Variants in CEP63 observed in about 807,000 individuals in gnomAD.
The protein encoded by CEP63 is centrosomal protein 63.
CEP63 carries 84 observed loss-of-function variants against 89.1 expected under a neutral mutation model. That is an observed-to-expected ratio of 0.94 (90% CI 0.79 to 1.13). The LOEUF (loss-of-function observed/expected upper bound fraction) is 1.13. Among genes scored for constraint, CEP63 ranks in the 50% most tolerant of loss-of-function variants. The pLI, the probability that CEP63 is intolerant of heterozygous loss-of-function variation, is 0.00. For missense variants in CEP63, 838 were observed against 813.3 expected (o/e 1.03, Z -0.37); for synonymous variants, 267 against 272.5 (o/e 0.98, Z 0.20).
chr3:134,756,272 T>C, the CEP63 span, among the ~76,000 whole-genome samples: 1 of 152,042 alleles, frequency 6.6e-6, no homozygotes, highest in Admixed American at 6.5e-5. Flanking sequence ...GGACTCCCCA[T>C]AGAGAGCTGG....
At chr3:134,707,412 A>C in the CEP63 span, among the ~76,000 whole-genome samples, 1 of 152,228 alleles carries the variant, frequency 6.6e-6, no homozygotes. Context: ...CCAGAGGGCT[A>C]CACAATCCTA....
the CEP63 span, among the ~76,000 whole-genome samples, chr3:134,768,840 G>A: frequency 1.3e-5 from 2 of 152,152 alleles, no homozygotes; most frequent in Non-Finnish European, 2.9e-5. Context: ...AGACTTGGCC[G>A]GGTGGGCCCA....
At chr3:134,606,226 T>C in the CEP63 span, among the ~76,000 whole-genome samples, 1 of 152,114 alleles carries the variant, frequency 6.6e-6, no homozygotes, top group Non-Finnish European at 1.5e-5. Flanking sequence ...TCACCTTTGA[T>C]TGTGGAGCAC....
the CEP63 span, among the ~76,000 whole-genome samples, chr3:134,777,531 T>G: frequency 6.6e-6 from 1 of 151,758 alleles, no homozygotes; most frequent in Admixed American, 6.6e-5. Context: ...ATTTGCTCAA[T>G]AACAATACAT....
At chr3:134,777,558 G>A in the CEP63 span, among the ~76,000 whole-genome samples, 4 of 149,812 alleles carry the variant, frequency 2.7e-5, no homozygotes, top group South Asian at 8.4e-4. Context: ...GGTGAGTATT[G>A]TGGTTTCTAA....
At chr3:134,619,306 G>A in the CEP63 span, 8 of 1,512,248 alleles carry the variant, frequency 5.3e-6, no homozygotes, top group Middle Eastern at 1.7e-4. Flanking sequence ...CTTGAGCCTG[G>A]GAGGCGAGAA....
At chr3:134,714,644 C>T in the CEP63 span, among the ~76,000 whole-genome samples, 94,916 of 152,188 alleles carry the variant, frequency 0.62, 30,159 homozygotes, top group East Asian at 0.78. Flanking sequence ...ATTATCCACT[C>T]CATCATGTGC....
the CEP63 span, among the ~76,000 whole-genome samples, chr3:134,718,555 TAGACAGAAAACATCCACATTC>T: frequency 6.6e-6 from 1 of 152,244 alleles, no homozygotes; most frequent in Non-Finnish European, 1.5e-5. Context: ...CCCTGTGGGT[TAGACAGAAAACATCCACATTC>T]TCTTTTAAAG....
At chr3:134,527,947 G>C (rs1047082568) in intron 3 of CEP63, among the ~76,000 whole-genome samples, 1 of 152,154 alleles carries the variant, frequency 6.6e-6, no homozygotes, top group Admixed American at 6.5e-5. Context: ...GCTATCCCTG[G>C]CCATGCCCCA....
the CEP63 span, among the ~76,000 whole-genome samples, chr3:134,697,303 T>C: frequency 6.6e-6 from 1 of 152,140 alleles, no homozygotes; most frequent in African/African-American, 2.4e-5. Flanking sequence ...AGAGATAAGC[T>C]TAGTGTTGGG....
At chr3:134,637,255 G>T in the CEP63 span, among the ~76,000 whole-genome samples, 2 of 152,228 alleles carry the variant, frequency 1.3e-5, no homozygotes, top group African/African-American at 4.8e-5. Context: ...GTAGGACTGG[G>T]TGCTATCGCC....
the CEP63 span, among the ~76,000 whole-genome samples, chr3:134,601,489 T>A: frequency 6.6e-6 from 1 of 152,244 alleles, no homozygotes; most frequent in Admixed American, 6.5e-5. Flanking sequence ...ATTGTTTTGA[T>A]GAAACAAACA....
chr3:134,607,690 C>T, the CEP63 span: 10 of 985,626 alleles, frequency 1.0e-5, no homozygotes, highest in African/African-American at 7.0e-5. Context: ...GGGCAGCCCC[C>T]GTATGCCTCA....
At chr3:134,665,702 C>CACACACACACACACACACAG in the CEP63 span, among the ~76,000 whole-genome samples, 1 of 102,324 alleles carries the variant, frequency 9.8e-6, no homozygotes, top group Non-Finnish European at 2.0e-5. Flanking sequence ...CACACACACA[C>CACACACACACACACACACAG]AGAGAGAGAG....
the CEP63 span, among the ~76,000 whole-genome samples, chr3:134,694,088 A>AAGCCTCC: frequency 2.0e-5 from 3 of 152,212 alleles, no homozygotes. Context: ...TCAGAAAGGA[A>AAGCCTCC]AGCCTCCAGC....
At chr3:134,512,083 A>G (rs1945109694) in intron 3 of CEP63, among the ~76,000 whole-genome samples, 1 of 152,230 alleles carries the variant, frequency 6.6e-6, no homozygotes, top group South Asian at 2.1e-4. Flanking sequence ...AACTGTTAAC[A>G]GCTAAAATCA....
the CEP63 span, among the ~76,000 whole-genome samples, chr3:134,659,328 C>T: frequency 6.6e-6 from 1 of 152,176 alleles, no homozygotes; most frequent in Admixed American, 6.5e-5. Flanking sequence ...ACAAGGTGTC[C>T]TCTGCAGGTG....
chr3:134,701,143 CATATACATACATACATT>C, the CEP63 span, among the ~76,000 whole-genome samples: 1 of 150,772 alleles, frequency 6.6e-6, no homozygotes, highest in African/African-American at 2.4e-5. Flanking sequence ...AGTGCCCCAA[CATATACATACATACATT>C]ATATACATAC....
At chr3:134,693,945 T>C in the CEP63 span, among the ~76,000 whole-genome samples, 1 of 152,226 alleles carries the variant, frequency 6.6e-6, no homozygotes, top group African/African-American at 2.4e-5. Flanking sequence ...CGTTCTGGGC[T>C]CAGGGATCTG....
Sources: gnomAD v4.1 joint callset for allele counts (sites outside exome capture counted in the v4.1 genomes callset) on GRCh38, gnomAD v4.1.1 for gene constraint, MANE v1.5 for transcripts, NCBI Gene and HGNC (gene_info 2026-07-23, HGNC 2026-07-21) for gene names.